Variants in PPM1L observed in about 807,000 individuals in gnomAD.
The protein encoded by PPM1L is protein phosphatase 1L.
A neutral mutation model predicts 31.4 loss-of-function variants in PPM1L; 13 were observed. That is an observed-to-expected ratio of 0.41 (90% confidence interval 0.27 to 0.66). PPM1L has a LOEUF of 0.66. Among genes scored for constraint, PPM1L ranks in the 30% least tolerant of loss-of-function variants. The probability of loss-of-function intolerance (pLI) is 0.29; values close to 1 mark genes in which losing one functional copy is unlikely to be tolerated. For synonymous variants in PPM1L, 184 were observed against 175.4 expected, an observed-to-expected ratio of 1.05 and a Z score of -0.39; for missense variants, 326 against 453.7, an observed-to-expected ratio of 0.72 and a Z score of 2.56.
At position 160,792,389 on chromosome 3, in the gene PPM1L, A is replaced by C. The variant is rs1308192265; in HGVS notation, c.399+35682A>C. Among the ~76,000 whole-genome samples, 4 of 152,282 alleles carry C rather than the reference A, an allele frequency of 2.6e-5. No homozygotes were observed. The East Asian group carries it at 7.7e-4, about 29-fold the overall frequency. On this transcript the variant is annotated intron_variant, in intron 1 of 3. Transcript: ENST00000498165. ...GATTTGGTAGCTTAGAATTCAGATA[A>C]AGGTGTATTTTTTAAAATAAGCTTT...
intron 1 of PPM1L, among the ~76,000 whole-genome samples, chr3:160,760,877 A>G (rs1005656744): frequency 1.3e-5 from 2 of 152,188 alleles, no homozygotes; most frequent in Non-Finnish European, 2.9e-5. Flanking sequence ...TATCTTGATA[A>G]TTGACACACA....
At chr3:160,851,800 C>T (rs1247036017) in intron 1 of PPM1L, among the ~76,000 whole-genome samples, 1 of 152,084 alleles carries the variant, frequency 6.6e-6, no homozygotes, top group Non-Finnish European at 1.5e-5. Flanking sequence ...TGGAAAGGTA[C>T]CCAAGACACA....
intron 1 of PPM1L, among the ~76,000 whole-genome samples, chr3:160,804,562 T>A (rs773698354): frequency 4.6e-5 from 7 of 152,240 alleles, no homozygotes; most frequent in Non-Finnish European, 7.3e-5. Context: ...CCATTTATTT[T>A]GTTTGAGAAT....
chr3:160,947,637 A>C (rs1402179771), intron 1 of PPM1L, among the ~76,000 whole-genome samples: 2 of 152,106 alleles, frequency 1.3e-5, no homozygotes, highest in Non-Finnish European at 2.9e-5. Flanking sequence ...GGACATGTCT[A>C]CTTCTGCCCA....
Position 161,069,274 on chromosome 3 carries a change from C to T in PPM1L, c.*117C>T. 2 of 796,062 alleles carry T rather than the reference C, an allele frequency of 2.5e-6. No individual in the cohort carries two copies. Among genetic ancestry groups the T allele is most frequent in the Non-Finnish European group, 3.9e-6 (2 of 515,236 alleles). 49.3% of individuals were successfully genotyped at this position (796,062 alleles called of 1,614,324 possible). The stretch of plus-strand genomic sequence containing the variant: ...GATCATCCACCCCAGACATGGAATC[C>T]CCCCTCCCTGGTGGTCTTAGGTCTA... On this transcript the variant is annotated 3_prime_UTR_variant, in exon 4 of 4. Coordinates refer to ENST00000498165, the MANE Select transcript of PPM1L (RefSeq NM_139245.4).
chr3:161,045,150 TA>T (rs1244615066), intron 2 of PPM1L, among the ~76,000 whole-genome samples: 1 of 152,148 alleles, frequency 6.6e-6, no homozygotes, highest in Non-Finnish European at 1.5e-5. Flanking sequence ...CAAAGAGACT[TA>T]GATTCCCACA....
At chr3:160,795,116 A>G (rs1186578826) in intron 1 of PPM1L, among the ~76,000 whole-genome samples, 1 of 152,222 alleles carries the variant, frequency 6.6e-6, no homozygotes, top group Non-Finnish European at 1.5e-5. Flanking sequence ...ACTGGGAAAG[A>G]TGAAAATGGG....
rs895379708 is a variant in PPM1L, at chr3:160,930,156, G to T, written c.400-31580G>T. On this transcript the variant is annotated intron_variant, in intron 1 of 3. Transcript: ENST00000498165. ...GCTTTTTAGAACCACAAAACAGGTC[G>T]CAAAGTGTTTCTTTTACAAATGTAC... is the stretch of plus-strand genomic sequence containing the variant. Among the ~76,000 whole-genome samples, 2 of 152,004 alleles carry T rather than the reference G, an allele frequency of 1.3e-5. 1 individual carries two copies. Among genetic ancestry groups the T allele is most frequent in the South Asian group, 4.1e-4 (2 of 4,822 alleles).
At chr3:160,975,645 A>G (rs368189869) in intron 2 of PPM1L, among the ~76,000 whole-genome samples, 6 of 152,102 alleles carry the variant, frequency 3.9e-5, no homozygotes, top group East Asian at 3.9e-4. Flanking sequence ...ATTGTGAATG[A>G]GAGTTCACTC....
chr3:160,883,539 A>G (rs6785844), intron 1 of PPM1L, among the ~76,000 whole-genome samples: 132,285 of 151,884 alleles, frequency 0.87, 57,841 homozygotes, highest in Middle Eastern at 0.92. Context: ...AGGTCTACAA[A>G]CCGAAGACAG....
At chr3:160,910,286 C>T (rs1277335303) in intron 1 of PPM1L, among the ~76,000 whole-genome samples, 1 of 127,134 alleles carries the variant, frequency 7.9e-6, no homozygotes, top group Admixed American at 8.2e-5. Context: ...CCTTCCCTTT[C>T]CCCTTCCCCG....
intron 1 of PPM1L, among the ~76,000 whole-genome samples, chr3:160,852,029 C>T (rs1311061507): frequency 6.6e-6 from 1 of 152,056 alleles, no homozygotes; most frequent in Non-Finnish European, 1.5e-5. Context: ...ATTTTCTGAA[C>T]CATCAAGTGT....
At chr3:161,062,145 G>A (rs55768910) in intron 2 of PPM1L, among the ~76,000 whole-genome samples, 24,427 of 147,098 alleles carry the variant, frequency 0.17, 2,020 homozygotes, top group East Asian at 0.21. Context: ...AGTGGGGGGG[G>A]AAAAAAAAAA....
intron 1 of PPM1L, among the ~76,000 whole-genome samples, chr3:160,940,168 T>G (rs1417446506): frequency 1.3e-5 from 2 of 152,174 alleles, no homozygotes; most frequent in African/African-American, 4.8e-5. Context: ...AAGAAATTTC[T>G]AAGCAGGAAA....
At chr3:160,845,970 G>A (rs553355359) in intron 1 of PPM1L, among the ~76,000 whole-genome samples, 4 of 151,930 alleles carry the variant, frequency 2.6e-5, no homozygotes, top group Non-Finnish European at 4.4e-5. Context: ...AAGAAACTAC[G>A]AAGTAGGTGT....
rs920441344 is a variant in PPM1L, at chr3:161,072,963, C to T, written c.*3806C>T. On this transcript the variant is annotated 3_prime_UTR_variant, in exon 4 of 4. Transcript: ENST00000498165. The stretch of plus-strand genomic sequence containing the variant: ...TCACACCAGCATTTGTCATCCAGCT[C>T]TGGAGAAATGACATGACTGTTAGAT... 6.6e-6 allele frequency: 1 copy of T among 152,200 alleles called. No homozygotes were observed. The highest frequency in any genetic ancestry group is 2.4e-5 in the African/African-American group (1 of 41,444). 9.4% of individuals were successfully genotyped at this position (152,200 alleles called of 1,614,324 possible).
At chr3:160,864,521 A>G (rs994524324) in intron 1 of PPM1L, among the ~76,000 whole-genome samples, 12 of 152,232 alleles carry the variant, frequency 7.9e-5, no homozygotes, top group Non-Finnish European at 1.8e-4. Context: ...CCTAGAAGGA[A>G]CATGTGAAAG....
At chr3:160,820,880 T>C (rs1713179263) in intron 1 of PPM1L, among the ~76,000 whole-genome samples, 1 of 152,134 alleles carries the variant, frequency 6.6e-6, no homozygotes, top group Admixed American at 6.6e-5. Context: ...TGTGTACATA[T>C]GCAAGAGTTT....
In PPM1L at chr3:161,070,406, T is replaced by TGGCCTGCA. The variant is rs1180661396; in HGVS notation, c.*1260_*1267dup. The TGGCCTGCA allele has an allele frequency of 6.6e-6, 1 of 152,154 alleles. No homozygotes were observed. The highest frequency in any genetic ancestry group is 1.5e-5 in the Non-Finnish European group (1 of 68,028). 9.4% of individuals were successfully genotyped at this position (152,154 alleles called of 1,614,324 possible). On this transcript the variant is annotated 3_prime_UTR_variant, in exon 4 of 4. Coordinates refer to ENST00000498165, the MANE Select transcript of PPM1L (RefSeq NM_139245.4). ...CCCCAGGCAAATACAAACCGCCCCG[T>TGGCCTGCA]GGCCTGCAGGCCTGCAGGGGAGGCA...
Sources: allele counts gnomAD v4.1 joint callset (sites outside exome capture counted in the v4.1 genomes callset), GRCh38; gene constraint gnomAD v4.1.1; transcripts MANE v1.5; gene names NCBI Gene and HGNC (gene_info 2026-07-23, HGNC 2026-07-21).